SPICE1: variants seen among roughly 807,000 people sequenced by gnomAD.
SPICE1 encodes the protein spindle and centriole associated protein 1, also known as spindle and centriole-associated protein 1.
SPICE1 carries 75 observed loss-of-function variants against 102.7 expected under a neutral mutation model. The observed-to-expected ratio is 0.73, with a 90% CI of 0.61 to 0.88. The LOEUF (loss-of-function observed/expected upper bound fraction) is 0.88, where lower values mean the gene tolerates loss of function less well. Ranked by LOEUF, SPICE1 falls within the 40% of genes least tolerant of loss-of-function variation. SPICE1 has a pLI of 0.00. For synonymous variants in SPICE1, 308 were observed against 350.3 expected, an observed-to-expected ratio of 0.88 and a Z score of 1.35; for missense variants, 979 against 1,020.1, an observed-to-expected ratio of 0.96 and a Z score of 0.55.
chr3:113,462,729 G>C (rs768532353), intron 11 of SPICE1, among the ~76,000 whole-genome samples: 6 of 152,124 alleles, frequency 3.9e-5, no homozygotes, highest in Non-Finnish European at 7.4e-5. Flanking sequence ...TGGCCTAGTA[G>C]AACTGTTTTG....
At position 113,512,927 on chromosome 3, in the gene SPICE1, T is replaced by C. The variant is rs904728474; in HGVS notation, c.-1+1970A>G. ...AAGTAAACAAGTAAACTAAGTAAACTAAATAAACTAAGATATTAGTAAACA... is the reference window on the plus strand; with the variant it reads ...AAGTAAACAAGTAAACTAAGTAAACCAAATAAACTAAGATATTAGTAAACA... On this transcript the variant is annotated intron_variant, in intron 1 of 17. Transcript: ENST00000295872. Among the ~76,000 whole-genome samples, 8 of 152,128 alleles carry C rather than the reference T, an allele frequency of 5.3e-5. 1 individual carries two copies. The highest frequency in any genetic ancestry group is 5.2e-4 in the Admixed American group (8 of 15,276).
At chr3:113,465,182 A>C (rs971176404) in intron 11 of SPICE1, among the ~76,000 whole-genome samples, 2 of 152,196 alleles carry the variant, frequency 1.3e-5, no homozygotes, top group South Asian at 4.1e-4. Flanking sequence ...GAATGGTGTA[A>C]GTCTTTTAAA....
In SPICE1 at chr3:113,490,819, T is replaced by C. The variant is rs143629758; in HGVS notation, c.493-1756A>G. Among the ~76,000 whole-genome samples the C allele has an allele frequency of 2.1e-3, 325 of 152,296 alleles. 2 individuals carry two copies. The highest frequency in any genetic ancestry group is 7.6e-3 in the African/African-American group (314 of 41,564). On this transcript the variant is annotated intron_variant, in intron 6 of 17. Coordinates refer to ENST00000295872, the MANE Select transcript of SPICE1 (RefSeq NM_144718.4). The stretch of plus-strand genomic sequence containing the variant: ...AGGAGTTATCCTTCTTTCTCACTTG[T>C]CCTGTCCTATCGGCCACCGAATCCT...
chr3:113,475,036 G>A (rs927200100), intron 7 of SPICE1, among the ~76,000 whole-genome samples: 4 of 152,090 alleles, frequency 2.6e-5, no homozygotes, highest in African/African-American at 4.8e-5. Flanking sequence ...TAGACTGCTA[G>A]CAAGATTAAT....
intron 15 of SPICE1, among the ~76,000 whole-genome samples, chr3:113,448,613 G>C (rs1229050046): frequency 1.3e-5 from 2 of 152,088 alleles, no homozygotes; most frequent in African/African-American, 4.8e-5. Context: ...AGCTCCATAT[G>C]GCCAATAGCA....
intron 16 of SPICE1, 87 bp downstream of exon 16, chr3:113,447,951 C>A: frequency 8.0e-7 from 1 of 1,243,252 alleles, no homozygotes; most frequent in African/African-American, 1.5e-5. Context: ...AGATACTGTA[C>A]ACTTCCTTTT....
intron 2 of SPICE1, among the ~76,000 whole-genome samples, chr3:113,505,687 G>A (rs892396151): frequency 2.6e-5 from 4 of 152,180 alleles, no homozygotes; most frequent in African/African-American, 9.7e-5. Context: ...GATCGCTTGA[G>A]GCTAGGAGTT....
chr3:113,442,726 A>G lies in SPICE1; in HGVS notation c.*2581T>C, dbSNP rs1935412492. 6.6e-6 allele frequency: 1 copy of G among 152,244 alleles called. No homozygotes were observed. The highest frequency in any genetic ancestry group is 2.4e-5 in the African/African-American group (1 of 41,468). 9.4% of individuals were successfully genotyped at this position (152,244 alleles called of 1,614,324 possible). ...AAATTGGCAAGAAAAAATTGCTATA[A>G]TACAATTTGTGTTTATTAGTTTCCA... On this transcript the variant is annotated 3_prime_UTR_variant, in exon 18 of 18. Transcript: ENST00000295872.
intron 10 of SPICE1, among the ~76,000 whole-genome samples, chr3:113,466,776 A>G (rs932976498): frequency 6.6e-6 from 1 of 152,218 alleles, no homozygotes; most frequent in Admixed American, 6.5e-5. Flanking sequence ...TCAGGTGCAG[A>G]GGCTCACGCC....
chr3:113,457,041 TTTCAA>T, intron 13 of SPICE1, 90 bp downstream of exon 13: 1 of 1,273,658 alleles, frequency 7.9e-7, no homozygotes, highest in Non-Finnish European at 1.1e-6. Flanking sequence ...TCAGTGTCTT[TTTCAA>T]TTCTGTTTTT....
chr3:113,468,002 A>C, intron 10 of SPICE1, 137 bp downstream of exon 10: 1 of 1,097,620 alleles, frequency 9.1e-7, no homozygotes, highest in Non-Finnish European at 1.3e-6. Context: ...TACTGCAGAT[A>C]ATCTAAAACT....
chr3:113,465,702 G>T lies in SPICE1; in HGVS notation c.1238C>A (p.Ala413Asp). The T allele has an allele frequency of 6.2e-7, 1 of 1,613,766 alleles. No individual in the cohort carries two copies. Among genetic ancestry groups the T allele is most frequent in the Non-Finnish European group, 8.5e-7 (1 of 1,179,762 alleles). Reference protein sequence around the residue: ...VLGDHRELIDALTAEILRLRE... With the variant: ...VLGDHRELIDDLTAEILRLRE... ...AAGACGAAGAATTTCAGCTGTCAGAGCATCAATGAGCTCTCGATGATCACC... is the reference window on the plus strand; with the variant it reads ...AAGACGAAGAATTTCAGCTGTCAGATCATCAATGAGCTCTCGATGATCACC... Residue 413 changes from alanine to aspartate, a missense_variant, in exon 11 of 18, where the codon GCT (alanine) becomes GAT (aspartate). Coordinates refer to ENST00000295872, the MANE Select transcript of SPICE1 (RefSeq NM_144718.4).
At chr3:113,511,965 T>C (rs1021790848) in intron 1 of SPICE1, among the ~76,000 whole-genome samples, 1 of 152,158 alleles carries the variant, frequency 6.6e-6, no homozygotes, top group African/African-American at 2.4e-5. Flanking sequence ...TTTGCTTTTA[T>C]ATTTCCCAAA....
rs774299103 is a variant in SPICE1 at position 113,450,828 on chromosome 3, G to A, written c.2143-312C>T. Among the ~76,000 whole-genome samples, 40 of 130,172 alleles carry A rather than the reference G, an allele frequency of 3.1e-4. 1 individual carries two copies. Among genetic ancestry groups the A allele is most frequent in the Admixed American group, 2.2e-3 (30 of 13,444 alleles). 85.4% of individuals were successfully genotyped at this position (130,172 alleles called of 152,430 possible). A position where few individuals can be genotyped will look rare whatever the true frequency, so the allele number is the denominator to read the frequency against. The stretch of plus-strand genomic sequence containing the variant: ...CCTGACCTCGTGATCCACCCACCTC[G>A]ATCTCACACAATTTTGACTTACTAA... On this transcript the variant is annotated intron_variant, in intron 14 of 17. Coordinates refer to ENST00000295872, the MANE Select transcript of SPICE1 (RefSeq NM_144718.4).
At chr3:113,477,471 A>G (rs1936380769) in intron 7 of SPICE1, among the ~76,000 whole-genome samples, 1 of 151,098 alleles carries the variant, frequency 6.6e-6, no homozygotes, top group South Asian at 2.1e-4. Context: ...ATGCTGCTAT[A>G]AAGACACATG....
chr3:113,497,945 C>T (rs1313808898), intron 4 of SPICE1, among the ~76,000 whole-genome samples: 2 of 151,000 alleles, frequency 1.3e-5, no homozygotes, highest in South Asian at 2.1e-4. Flanking sequence ...GGACCAATCT[C>T]GGCTCACTGC....
chr3:113,482,874 T>C (rs1936546061), intron 7 of SPICE1, among the ~76,000 whole-genome samples: 1 of 152,178 alleles, frequency 6.6e-6, no homozygotes, highest in South Asian at 2.1e-4. Context: ...CTTAGGATTG[T>C]CTTGGCTATG....
At chr3:113,461,461 A>G (rs762347786) in intron 11 of SPICE1, among the ~76,000 whole-genome samples, 1 of 152,040 alleles carries the variant, frequency 6.6e-6, no homozygotes, top group Non-Finnish European at 1.5e-5. Flanking sequence ...TTCCATTCTT[A>G]CATGTAAAAG....
chr3:113,501,542 T>C (rs1170291839), intron 3 of SPICE1, among the ~76,000 whole-genome samples: 1 of 152,150 alleles, frequency 6.6e-6, no homozygotes, highest in African/African-American at 2.4e-5. Context: ...CCAGAATACA[T>C]ACATAATTTT....
Sources: gnomAD v4.1 joint callset for allele counts (sites outside exome capture counted in the v4.1 genomes callset) on GRCh38, gnomAD v4.1.1 for gene constraint, MANE v1.5 for transcripts, NCBI Gene and HGNC (gene_info 2026-07-23, HGNC 2026-07-21) for gene names.